The following SLC24A2 variants were observed in gnomAD, a reference collection of about 807,000 sequenced individuals.
SLC24A2 encodes the protein sodium/potassium/calcium exchanger 2.
SLC24A2 carries 36 observed loss-of-function variants against 62.0 expected under a neutral mutation model. The observed-to-expected ratio is 0.58, with a 90% CI of 0.44 to 0.77. The LOEUF is 0.77. Among genes scored for constraint, SLC24A2 ranks in the 30% least tolerant of loss-of-function variants. The pLI, the probability that SLC24A2 is intolerant of heterozygous loss-of-function variation, is 0.00. For synonymous variants in SLC24A2, 358 were observed against 294.0 expected (o/e 1.22, Z -2.23); for missense variants, 846 against 817.9 (o/e 1.03, Z -0.42).
At chr9:20,001,475 G>A in the SLC24A2 span, among the ~76,000 whole-genome samples, 1 of 152,208 alleles carries the variant, frequency 6.6e-6, no homozygotes, top group Admixed American at 6.5e-5. Context: ...CCAATCTGCT[G>A]AGCTGAGAAT....
At chr9:19,631,668 G>A (rs1264591551) in intron 2 of SLC24A2, among the ~76,000 whole-genome samples, 1 of 152,178 alleles carries the variant, frequency 6.6e-6, no homozygotes, top group Non-Finnish European at 1.5e-5. Context: ...TGAAAGGAAG[G>A]AGGATTCTCA....
chr9:19,520,124 A>G (rs553510912), intron 10 of SLC24A2, among the ~76,000 whole-genome samples: 7 of 152,208 alleles, frequency 4.6e-5, no homozygotes, highest in African/African-American at 7.2e-5. Flanking sequence ...AAGATATTCA[A>G]TGAGAAAGTA....
At chr9:20,185,442 G>A in the SLC24A2 span, among the ~76,000 whole-genome samples, 1 of 151,986 alleles carries the variant, frequency 6.6e-6, no homozygotes, top group Non-Finnish European at 1.5e-5. Context: ...GAGGTGGGCG[G>A]ATCAAGAGGT....
chr9:20,095,861 A>G, the SLC24A2 span, among the ~76,000 whole-genome samples: 3 of 152,272 alleles, frequency 2.0e-5, no homozygotes, highest in Non-Finnish European at 4.4e-5. Flanking sequence ...GCAGCAGACA[A>G]AAGAGAATTG....
the SLC24A2 span, among the ~76,000 whole-genome samples, chr9:20,307,637 G>A: frequency 3.3e-5 from 5 of 152,140 alleles, no homozygotes; most frequent in East Asian, 1.9e-4. Context: ...ATGAGGGGTC[G>A]GCAGGAAATA....
At chr9:20,069,697 T>C in the SLC24A2 span, among the ~76,000 whole-genome samples, 1 of 152,258 alleles carries the variant, frequency 6.6e-6, no homozygotes, top group Non-Finnish European at 1.5e-5. Context: ...CTTATGATCT[T>C]CTTTTTACAT....
Position 19,550,257 on chromosome 9 carries a change from CTCA to C in SLC24A2, c.1356_1358del (p.Asp452del). The C allele has an allele frequency of 1.2e-6, 2 of 1,614,078 alleles. No individual in the cohort carries two copies. Among genetic ancestry groups the C allele is most frequent in the Non-Finnish European group, 8.5e-7 (1 of 1,179,992 alleles). ...CAAGGCTGAGAGGCTGGTCCTCCTC[CTCA>C]TCAGCGGTCTGTGGTAGAAAAAGAG... is the stretch of plus-strand genomic sequence containing the variant. On this transcript the variant is annotated inframe_deletion, in exon 8 of 11. Coordinates refer to ENST00000341998, the MANE Select transcript of SLC24A2 (RefSeq NM_020344.4).
Position 19,508,492 on chromosome 9 carries a change from T to C in SLC24A2, c.*7661A>G, listed in dbSNP as rs1056972627. On this transcript the variant is annotated 3_prime_UTR_variant, in exon 11 of 11. Transcript: ENST00000341998. ...TTAAGTGCTTTTTAGTAATTACTTT[T>C]ACTCAAATTACATAAAAGGGCTGGG... 5.9e-5 allele frequency: 9 copies of C among 152,202 alleles called. No homozygotes were observed. The highest frequency in any genetic ancestry group is 2.2e-4 in the African/African-American group (9 of 41,464). The allele number at this position is 152,202 out of a possible 1,614,324, so 9.4% of individuals were successfully genotyped here.
At chr9:19,819,495 A>G in the SLC24A2 span, among the ~76,000 whole-genome samples, 1 of 151,768 alleles carries the variant, frequency 6.6e-6, no homozygotes, top group African/African-American at 2.4e-5. Context: ...TCAAACAATC[A>G]GTAAGATCAA....
chr9:19,784,003 T>C (rs1823088817), intron 2 of SLC24A2, among the ~76,000 whole-genome samples: 1 of 152,210 alleles, frequency 6.6e-6, no homozygotes, highest in Non-Finnish European at 1.5e-5. Flanking sequence ...CAAGTAAATC[T>C]AGAATTCCCA....
At chr9:19,641,977 T>C (rs1818507042) in intron 2 of SLC24A2, among the ~76,000 whole-genome samples, 1 of 152,122 alleles carries the variant, frequency 6.6e-6, no homozygotes, top group Admixed American at 6.5e-5. Flanking sequence ...TCAGCCTCAG[T>C]AGGCCTACTA....
upstream of SLC24A2, among the ~76,000 whole-genome samples, chr9:19,792,322 T>A (rs1027425007): frequency 2.6e-5 from 4 of 152,158 alleles, no homozygotes; most frequent in African/African-American, 4.8e-5. Flanking sequence ...TAGCAATTTT[T>A]TATTGTTTTT....
At chr9:19,991,417 C>G in the SLC24A2 span, among the ~76,000 whole-genome samples, 1 of 152,126 alleles carries the variant, frequency 6.6e-6, no homozygotes, top group African/African-American at 2.4e-5. Context: ...TGGTGCCTAC[C>G]CAGATTGAAG....
chr9:19,565,490 T>A (rs1835610411), intron 7 of SLC24A2, among the ~76,000 whole-genome samples: 1 of 150,798 alleles, frequency 6.6e-6, no homozygotes, highest in East Asian at 1.9e-4. Context: ...GGAAGAACAT[T>A]CCATGCTCAT....
the SLC24A2 span, among the ~76,000 whole-genome samples, chr9:20,080,279 A>G: frequency 6.6e-6 from 1 of 152,330 alleles, no homozygotes; most frequent in East Asian, 1.9e-4. Context: ...CAAAACAGAG[A>G]TATAGACCAA....
chr9:20,278,385 C>G, the SLC24A2 span, among the ~76,000 whole-genome samples: 9 of 152,242 alleles, frequency 5.9e-5, no homozygotes, highest in South Asian at 2.1e-4. Context: ...AAACTGAATG[C>G]TTTTATGAAC....
the SLC24A2 span, among the ~76,000 whole-genome samples, chr9:19,964,113 G>A: frequency 2.7e-5 from 4 of 150,770 alleles, no homozygotes; most frequent in Admixed American, 6.6e-5. Context: ...GTAAACTATC[G>A]CAAGGACAAA....
chr9:19,600,911 A>G lies in SLC24A2; in HGVS notation c.1079-3632T>C, dbSNP rs1437676676. On this transcript the variant is annotated intron_variant, in intron 4 of 10. Coordinates refer to ENST00000341998, the MANE Select transcript of SLC24A2 (RefSeq NM_020344.4). ...TTTAAAGAAAAACAATAAGCAACCT[A>G]GACAAGAGAATCAACCCAAAACAAT... 2.0e-5 allele frequency among the ~76,000 whole-genome samples: 3 copies of G among 152,224 alleles called. No individual in the cohort carries two copies. In the East Asian group the frequency reaches 5.8e-4, roughly 29 times the overall value.
the SLC24A2 span, among the ~76,000 whole-genome samples, chr9:20,289,371 C>CA: frequency 1.3e-5 from 2 of 152,124 alleles, no homozygotes; most frequent in Non-Finnish European, 2.9e-5. Flanking sequence ...CACAGAAAGA[C>CA]AAAGCAATTT....
Sources: gnomAD v4.1 joint callset for allele counts (sites outside exome capture counted in the v4.1 genomes callset) on GRCh38, gnomAD v4.1.1 for gene constraint, MANE v1.5 for transcripts, NCBI Gene and HGNC (gene_info 2026-07-23, HGNC 2026-07-21) for gene names.